Variants in DACH1 observed in about 807,000 individuals in gnomAD.
DACH1 encodes the protein dachshund homolog 1.
Under a neutral mutation model 54.2 loss-of-function variants are expected in DACH1, and 12 were observed. The observed-to-expected ratio is 0.22, with a 90% CI of 0.14 to 0.36. The LOEUF is 0.36. Among genes scored for constraint, DACH1 ranks in the 10% least tolerant of loss-of-function variants. The probability of loss-of-function intolerance (pLI) is 1.00; values close to 1 mark genes in which losing one functional copy is unlikely to be tolerated. For missense variants in DACH1, 805 were observed against 929.8 expected, an observed-to-expected ratio of 0.87 and a Z score of 1.75; for synonymous variants, 386 against 366.2, an observed-to-expected ratio of 1.05 and a Z score of -0.62.
chr13:71,830,303 G>A (rs896427020), intron 1 of DACH1, among the ~76,000 whole-genome samples: 6 of 151,846 alleles, frequency 4.0e-5, no homozygotes, highest in African/African-American at 1.4e-4. Context: ...GAGTACTATT[G>A]TTCTGGTCAT....
chr13:71,594,536 C>T (rs1443298499), intron 3 of DACH1, among the ~76,000 whole-genome samples: 3 of 151,914 alleles, frequency 2.0e-5, no homozygotes, highest in Admixed American at 2.0e-4. Flanking sequence ...ATTAAAAATC[C>T]CTACATTTTA....
At chr13:71,442,434 C>T (rs1467121859) in intron 10 of DACH1, among the ~76,000 whole-genome samples, 3 of 152,050 alleles carry the variant, frequency 2.0e-5, no homozygotes, top group African/African-American at 4.8e-5. Flanking sequence ...CTTCATTCAT[C>T]TGCTGATGGA....
At chr13:71,580,173 A>G (rs1885770149) in intron 3 of DACH1, among the ~76,000 whole-genome samples, 1 of 152,218 alleles carries the variant, frequency 6.6e-6, no homozygotes, top group Admixed American at 6.5e-5. Context: ...ACACTTTGCT[A>G]TCTAAAACTT....
chr13:71,669,775 A>T (rs2138673426), intron 2 of DACH1, among the ~76,000 whole-genome samples: 1 of 152,278 alleles, frequency 6.6e-6, no homozygotes, highest in African/African-American at 2.4e-5. Context: ...ATAAACTGGG[A>T]TCATAAAACC....
intron 1 of DACH1, among the ~76,000 whole-genome samples, chr13:71,781,420 C>T (rs1048490813): frequency 2.7e-5 from 4 of 149,800 alleles, no homozygotes; most frequent in African/African-American, 9.8e-5. Flanking sequence ...GCTCTGTCAC[C>T]CAGGCTGGAG....
chr13:71,751,732 A>T (rs1201686152), intron 1 of DACH1, among the ~76,000 whole-genome samples: 5 of 152,152 alleles, frequency 3.3e-5, no homozygotes, highest in African/African-American at 9.6e-5. Flanking sequence ...ATGTCAACAA[A>T]ATATTAGATT....
At chr13:71,645,362 T>C (rs1225131828) in intron 2 of DACH1, among the ~76,000 whole-genome samples, 1 of 152,184 alleles carries the variant, frequency 6.6e-6, no homozygotes, top group African/African-American at 2.4e-5. Flanking sequence ...GAATGACAAG[T>C]TGCATGTATG....
rs398023338 is a variant in DACH1 at position 71,692,506 on chromosome 13, C to CTTTTTTTTTTTTTTTTTTTTTTTTTTTT, written c.849-10624_849-10597dup. Among the ~76,000 whole-genome samples the CTTTTTTTTTTTTTTTTTTTTTTTTTTTT allele has an allele frequency of 1.8e-4, 8 of 44,438 alleles. 2 individuals are homozygous for CTTTTTTTTTTTTTTTTTTTTTTTTTTTT. Among genetic ancestry groups the CTTTTTTTTTTTTTTTTTTTTTTTTTTTT allele is most frequent in the African/African-American group, 3.6e-4 (3 of 8,332 alleles). 29.2% of individuals were successfully genotyped at this position (44,438 alleles called of 152,430 possible). On this transcript the variant is annotated intron_variant, in intron 1 of 10. Coordinates refer to ENST00000613252, the MANE Select transcript of DACH1 (RefSeq NM_080759.6). ...CCTTTCTTTTTCTTTCTTTTCTTTCCTTTTTTTTTTTTTTTTTTTTTTTTT... is the reference window on the plus strand; with the variant it reads ...CCTTTCTTTTTCTTTCTTTTCTTTCCTTTTTTTTTTTTTTTTTTTTTTTTTTTTTTTTTTTTTTTTTTTTTTTTTTTTT...
rs528503725 is a variant in DACH1, at chr13:71,629,152, C to T, written c.1126+1404G>A. The stretch of plus-strand genomic sequence containing the variant: ...GAATTATAATTCTTGCATTTTGCTT[C>T]AATTCTGTTTTAATTTTTAAATGTC... On this transcript the variant is annotated intron_variant, in intron 3 of 10. Transcript: ENST00000613252. 2.2e-4 allele frequency among the ~76,000 whole-genome samples: 34 copies of T among 152,162 alleles called. 1 individual carries two copies. The South Asian group carries it at 6.2e-3, about 28-fold the overall frequency.
chr13:71,673,599 G>A (rs1037085334), intron 2 of DACH1, among the ~76,000 whole-genome samples: 1 of 151,874 alleles, frequency 6.6e-6, no homozygotes, highest in East Asian at 1.9e-4. Flanking sequence ...ACCACACACC[G>A]GTGCCTGTTG....
chr13:71,579,824 GT>G (rs1276292587), intron 3 of DACH1, among the ~76,000 whole-genome samples: 1 of 152,090 alleles, frequency 6.6e-6, no homozygotes, highest in East Asian at 1.9e-4. Context: ...GAAAACACTG[GT>G]TTTTTGATGC....
chr13:71,674,479 ACACAC>A (rs1880422916), intron 2 of DACH1, among the ~76,000 whole-genome samples: 1 of 124,836 alleles, frequency 8.0e-6, no homozygotes, highest in African/African-American at 2.8e-5. Context: ...ACACACACAC[ACACAC>A]GAAGGCGACA....
At chr13:71,485,250 G>GA (rs981194039) in intron 7 of DACH1, among the ~76,000 whole-genome samples, 47 of 146,462 alleles carry the variant, frequency 3.2e-4, no homozygotes, top group Non-Finnish European at 4.8e-4. Context: ...AGACCACAAT[G>GA]AAAAAAAAAT....
At chr13:71,512,144 T>C (rs577594332) in intron 6 of DACH1, among the ~76,000 whole-genome samples, 2 of 152,088 alleles carry the variant, frequency 1.3e-5, no homozygotes, top group East Asian at 3.9e-4. Context: ...AAGCATCCCC[T>C]AATGCATTCA....
intron 1 of DACH1, among the ~76,000 whole-genome samples, chr13:71,821,443 TTAAATTC>T (rs1225003539): frequency 1.3e-5 from 2 of 149,794 alleles, no homozygotes; most frequent in African/African-American, 5.1e-5. Context: ...AAATTTAAAT[TTAAATTC>T]TAAGATTTTA....
chr13:71,736,727 G>C (rs937301761), intron 1 of DACH1, among the ~76,000 whole-genome samples: 15 of 152,112 alleles, frequency 9.9e-5, no homozygotes, highest in African/African-American at 3.6e-4. Context: ...AATAGGATTA[G>C]AGCAGTAATA....
At chr13:71,736,188 G>A (rs931092018) in intron 1 of DACH1, among the ~76,000 whole-genome samples, 13 of 152,166 alleles carry the variant, frequency 8.5e-5, no homozygotes, top group Non-Finnish European at 1.9e-4. Context: ...AGTGACCAAA[G>A]AGTAATAATT....
chr13:71,759,887 G>C (rs1885328831), intron 1 of DACH1, among the ~76,000 whole-genome samples: 1 of 152,164 alleles, frequency 6.6e-6, no homozygotes, highest in African/African-American at 2.4e-5. Context: ...GGGCCCTTAT[G>C]AGGCACTAGT....
intron 3 of DACH1, among the ~76,000 whole-genome samples, chr13:71,625,539 T>C (rs1876582252): frequency 6.6e-6 from 1 of 152,008 alleles, no homozygotes; most frequent in African/African-American, 2.4e-5. Context: ...TTTTTTCCCT[T>C]CATATATTTG....
Sources: gnomAD v4.1 joint callset for allele counts (sites outside exome capture counted in the v4.1 genomes callset) on GRCh38, gnomAD v4.1.1 for gene constraint, MANE v1.5 for transcripts, NCBI Gene and HGNC (gene_info 2026-07-23, HGNC 2026-07-21) for gene names.